The following ZP3 variants were observed in gnomAD, a reference collection of about 807,000 sequenced individuals.
ZP3 encodes the protein zona pellucida sperm-binding protein 3.
ZP3 carries 21 observed loss-of-function variants against 35.6 expected under a neutral mutation model. The ratio of observed to expected loss-of-function variants is 0.59; its 90% confidence interval spans 0.42 to 0.85. The LOEUF (loss-of-function observed/expected upper bound fraction) is 0.85, where lower values mean the gene tolerates loss of function less well. Among genes scored for constraint, ZP3 ranks in the 40% least tolerant of loss-of-function variants. The pLI, the probability that ZP3 is intolerant of heterozygous loss-of-function variation, is 0.00. For missense variants in ZP3, 437 were observed against 536.5 expected (o/e 0.81, Z 1.83); for synonymous variants, 207 against 214.5 (o/e 0.96, Z 0.31).
chr7:76,426,787 T>C (rs1323528773), intron 1 of ZP3, among the ~76,000 whole-genome samples: 1 of 151,552 alleles, frequency 6.6e-6, no homozygotes, highest in Non-Finnish European at 1.5e-5. Context: ...CCCAGCACTT[T>C]GGGAGGCTGA....
intron 1 of ZP3, among the ~76,000 whole-genome samples, chr7:76,413,398 G>A (rs1311790643): frequency 6.6e-6 from 1 of 151,994 alleles, no homozygotes; most frequent in Admixed American, 6.6e-5. Flanking sequence ...GCGTAGCTGG[G>A]ACTACAGGCG....
intron 1 of ZP3, among the ~76,000 whole-genome samples, chr7:76,407,489 G>A (rs1431394979): frequency 1.3e-5 from 2 of 151,062 alleles, no homozygotes; most frequent in African/African-American, 2.4e-5. Flanking sequence ...GTATCACCAC[G>A]CCCAGCTAAT....
chr7:76,425,469 C>T (rs1364711203), intron 1 of ZP3, among the ~76,000 whole-genome samples, 193 bp downstream of exon 1: 5 of 152,112 alleles, frequency 3.3e-5, no homozygotes, highest in African/African-American at 9.7e-5. Flanking sequence ...CTCTGATGCC[C>T]GACATTGGGT....
At chr7:76,422,976 G>A (rs566327507), upstream of ZP3, among the ~76,000 whole-genome samples, 63 of 146,894 alleles carry the variant, frequency 4.3e-4, no homozygotes, top group Non-Finnish European at 7.6e-4. Context: ...CAGCCTGGGC[G>A]ACAGAATGAG....
At chr7:76,437,232 A>G (rs1584072509) in intron 5 of ZP3, among the ~76,000 whole-genome samples, 1 of 139,092 alleles carries the variant, frequency 7.2e-6, no homozygotes, top group East Asian at 2.2e-4. Flanking sequence ...CTGGAATGCA[A>G]TGGCATGATC....
At chr7:76,429,748 G>A (rs1048474167) in intron 2 of ZP3, 115 bp downstream of exon 2, 15 of 875,184 alleles carry the variant, frequency 1.7e-5, no homozygotes, top group East Asian at 2.5e-5. Flanking sequence ...ACTACCTACC[G>A]AAGCATTTGC....
At chr7:76,398,709 T>G (rs778460695) in intron 1 of ZP3, 3 of 1,612,422 alleles carry the variant, frequency 1.9e-6, no homozygotes, top group East Asian at 4.5e-5. Flanking sequence ...GCCCACATTA[T>G]GCTTACGTAC....
chr7:76,401,126 C>T, intron 1 of ZP3: 4 of 1,444,508 alleles, frequency 2.8e-6, no homozygotes, highest in South Asian at 1.4e-5. Context: ...CCAACTCCCA[C>T]AGTCCTCAAC....
At chr7:76,403,576 T>C (rs1804897871) in intron 1 of ZP3, among the ~76,000 whole-genome samples, 1 of 151,774 alleles carries the variant, frequency 6.6e-6, no homozygotes, top group Non-Finnish European at 1.5e-5. Flanking sequence ...GACCTCATGA[T>C]CCGCCCTCCT....
chr7:76,436,130 C>T (rs1422077049), intron 5 of ZP3, among the ~76,000 whole-genome samples: 4 of 137,638 alleles, frequency 2.9e-5, no homozygotes, highest in African/African-American at 8.1e-5. Context: ...TAGGTCACTG[C>T]AACTTCCACC....
chr7:76,422,928 C>T (rs1018527997), upstream of ZP3, among the ~76,000 whole-genome samples: 3 of 137,102 alleles, frequency 2.2e-5, no homozygotes, highest in South Asian at 2.4e-4. Flanking sequence ...ACCCAGGAGG[C>T]GGAGGTTGCA....
chr7:76,440,795 C>A (rs1806174806), intron 7 of ZP3, among the ~76,000 whole-genome samples, 184 bp downstream of exon 7: 1 of 145,810 alleles, frequency 6.9e-6, no homozygotes, highest in South Asian at 2.3e-4. Context: ...AGCCTTCCAC[C>A]TCGGTGGCAG....
chr7:76,433,278 C>T (rs1207924742), intron 3 of ZP3, among the ~76,000 whole-genome samples, 192 bp from the exon 4 acceptor site: 1 of 152,038 alleles, frequency 6.6e-6, no homozygotes, highest in African/African-American at 2.4e-5. Context: ...CCTCAGCCTC[C>T]CGAGTAACTG....
At chr7:76,441,434 G>C (rs1806196832) in intron 7 of ZP3, among the ~76,000 whole-genome samples, 1 of 151,684 alleles carries the variant, frequency 6.6e-6, no homozygotes, top group South Asian at 2.1e-4. Context: ...TGTCCTCCAG[G>C]CTGGAGAGCA....
chr7:76,432,808 C>A (rs902681622), intron 2 of ZP3, 119 bp from the exon 3 acceptor site: 4 of 770,746 alleles, frequency 5.2e-6, no homozygotes, highest in East Asian at 5.3e-5. Context: ...GCACCAGCTA[C>A]CTGGCTGGGC....
intron 1 of ZP3, among the ~76,000 whole-genome samples, chr7:76,405,311 A>C (rs1174265893): frequency 0.032 from 1,463 of 45,130 alleles, 89 homozygotes; most frequent in African/African-American, 0.077. Context: ...ATATATATAT[A>C]TATATGTATT....
At chr7:76,400,712 T>C in intron 1 of ZP3, 1 of 1,184,954 alleles carries the variant, frequency 8.4e-7, no homozygotes. Flanking sequence ...CTCACTATGT[T>C]GCCAAGGCTG....
At chr7:76,434,637 CAAA>C (rs3972767) in intron 5 of ZP3, among the ~76,000 whole-genome samples, 3 of 97,548 alleles carry the variant, frequency 3.1e-5, no homozygotes, top group Non-Finnish European at 2.3e-5. Flanking sequence ...ACTCCATCTC[CAAA>C]AAAAAAAAAA....
chr7:76,409,783 C>G (rs1323964136), intron 1 of ZP3: 2 of 152,830 alleles, frequency 1.3e-5, no homozygotes, highest in Admixed American at 6.5e-5. Flanking sequence ...CACAGCCCCC[C>G]CACCCCAGGG....
Sources: gnomAD v4.1 joint callset for allele counts (sites outside exome capture counted in the v4.1 genomes callset) on GRCh38, gnomAD v4.1.1 for gene constraint, MANE v1.5 for transcripts, NCBI Gene and HGNC (gene_info 2026-07-23, HGNC 2026-07-21) for gene names.